Variants in POC1B observed in about 807,000 individuals in gnomAD.
The protein encoded by POC1B is POC1 centriolar protein homolog B.
Under a neutral mutation model 60.6 loss-of-function variants are expected in POC1B, and 44 were observed. That is an observed-to-expected ratio of 0.73 (90% CI 0.57 to 0.93). The LOEUF is 0.93. POC1B is among the 40% of genes least tolerant of loss of function. The probability of loss-of-function intolerance (pLI) is 0.00; values close to 1 mark genes in which losing one functional copy is unlikely to be tolerated. For missense variants in POC1B, 555 were observed against 572.3 expected (o/e 0.97, Z 0.31); for synonymous variants, 180 against 198.9 (o/e 0.90, Z 0.80).
the POC1B span, among the ~76,000 whole-genome samples, chr12:89,403,930 C>T: frequency 4.6e-5 from 7 of 152,180 alleles, no homozygotes; most frequent in Admixed American, 3.3e-4. Context: ...GTCTGCAGTT[C>T]GAGACCTGCC....
chr12:89,403,852 G>C, the POC1B span, among the ~76,000 whole-genome samples: 2 of 152,206 alleles, frequency 1.3e-5, no homozygotes, highest in South Asian at 2.1e-4. Context: ...AAAAATGTTG[G>C]CCGGGCGCAG....
chr12:89,458,534 TGA>T (rs1592600548), intron 10 of POC1B, among the ~76,000 whole-genome samples: 1 of 152,160 alleles, frequency 6.6e-6, no homozygotes, highest in African/African-American at 2.4e-5. Context: ...AAACTCCTAA[TGA>T]GAGATCTAGG....
At chr12:89,423,999 C>G (rs1000351881) in intron 11 of POC1B, among the ~76,000 whole-genome samples, 1 of 152,126 alleles carries the variant, frequency 6.6e-6, no homozygotes, top group Non-Finnish European at 1.5e-5. Flanking sequence ...GGGCAATGGC[C>G]TTTAAGGAAA....
At chr12:89,468,799 T>TG (rs1481860523) in intron 7 of POC1B, among the ~76,000 whole-genome samples, 1 of 152,110 alleles carries the variant, frequency 6.6e-6, no homozygotes, top group African/African-American at 2.4e-5. Flanking sequence ...AGGCAGAACC[T>TG]GTGAAAAAGA....
chr12:89,463,258 T>C (rs1224426421), intron 9 of POC1B, among the ~76,000 whole-genome samples: 1 of 152,208 alleles, frequency 6.6e-6, no homozygotes, highest in Non-Finnish European at 1.5e-5. Context: ...ATTAAAAAAA[T>C]CTTTTTAACC....
rs1167476204 is a variant in POC1B, at chr12:89,476,759, T to TAGACAGACAGACAGAC, written c.453-4500_453-4485dup. On this transcript the variant is annotated intron_variant, in intron 4 of 11. Coordinates refer to ENST00000313546, the MANE Select transcript of POC1B (RefSeq NM_172240.3). The stretch of plus-strand genomic sequence containing the variant: ...ATAGATAGATAGATAGATAGATAGA[T>TAGACAGACAGACAGAC]AGACAGACAGACAGACAGACACTTT... Among the ~76,000 whole-genome samples, 18 of 58,624 alleles carry TAGACAGACAGACAGAC rather than the reference T, an allele frequency of 3.1e-4. No homozygotes were observed. In the East Asian group the frequency reaches 4.3e-3, roughly 14 times the overall value. 38.5% of individuals were successfully genotyped at this position (58,624 alleles called of 152,430 possible).
downstream of POC1B, among the ~76,000 whole-genome samples, chr12:89,415,334 A>C (rs1880345529): frequency 2.0e-5 from 3 of 152,334 alleles, no homozygotes; most frequent in South Asian, 6.2e-4. Flanking sequence ...AGTCCAGAGA[A>C]ACAAAATGAT....
chr12:89,510,763 CTT>C (rs56654469), intron 2 of POC1B, among the ~76,000 whole-genome samples: 1 of 139,074 alleles, frequency 7.2e-6, no homozygotes, highest in Admixed American at 7.2e-5. Flanking sequence ...TGTTTTTATT[CTT>C]TTTTTTTTTT....
the POC1B span, among the ~76,000 whole-genome samples, chr12:89,405,329 T>C: frequency 2.0e-5 from 3 of 152,086 alleles, no homozygotes; most frequent in Non-Finnish European, 4.4e-5. Context: ...GTTACTCAGG[T>C]AGTAGTGGGA....
intron 10 of POC1B, among the ~76,000 whole-genome samples, chr12:89,456,738 G>A (rs1882277457): frequency 6.6e-6 from 1 of 151,876 alleles, no homozygotes; most frequent in Non-Finnish European, 1.5e-5. Flanking sequence ...CTTGGCATTA[G>A]AGACACAAGT....
At chr12:89,522,184 T>C (rs914530277) in intron 2 of POC1B, 2 of 398,666 alleles carry the variant, frequency 5.0e-6, no homozygotes, top group African/African-American at 4.1e-5. Flanking sequence ...CCCCATTTCA[T>C]TTAAATATGG....
intron 10 of POC1B, among the ~76,000 whole-genome samples, chr12:89,440,218 T>C (rs1172668118): frequency 6.6e-5 from 10 of 152,344 alleles, no homozygotes; most frequent in Non-Finnish European, 5.9e-5. Context: ...AGCTCATCTT[T>C]GGTTAGCACA....
chr12:89,470,516 C>A (rs1592608702), intron 6 of POC1B, 22 bp from the exon 7 acceptor site: 4 of 1,553,928 alleles, frequency 2.6e-6, no homozygotes, highest in Non-Finnish European at 2.6e-6. Context: ...AAAATAAAAG[C>A]AAAAAGTTCA....
chr12:89,424,689 T>C (rs1286862141), intron 11 of POC1B, among the ~76,000 whole-genome samples: 1 of 152,214 alleles, frequency 6.6e-6, no homozygotes, highest in East Asian at 1.9e-4. Context: ...AGATGCATTG[T>C]ATTTTTCTTT....
chr12:89,471,421 G>A (rs1390163991), intron 6 of POC1B, among the ~76,000 whole-genome samples, 193 bp downstream of exon 6: 1 of 151,712 alleles, frequency 6.6e-6, no homozygotes, highest in Non-Finnish European at 1.5e-5. Context: ...CATTTTTAAG[G>A]TCTCTTCACT....
chr12:89,526,034 A>G lies in POC1B; in HGVS notation c.-139T>C. The G allele has an allele frequency of 6.5e-7, 1 of 1,531,748 alleles. No homozygotes were observed. Among genetic ancestry groups the G allele is most frequent in the Non-Finnish European group, 8.7e-7 (1 of 1,143,468 alleles). 94.9% of individuals were successfully genotyped at this position (1,531,748 alleles called of 1,614,324 possible). A position where few individuals can be genotyped will look rare whatever the true frequency, so the allele number is the denominator to read the frequency against. On this transcript the variant is annotated 5_prime_UTR_variant, in exon 1 of 12. Transcript: ENST00000313546. The stretch of plus-strand genomic sequence containing the variant: ...GCAGCGCCTCCCGGTCACTACAACA[A>G]CGGCGGCCCAGTCAAACCCCGCGCT...
chr12:89,525,294 GC>G (rs932872385), intron 1 of POC1B, 90 bp from the exon 2 acceptor site: 155 of 1,493,232 alleles, frequency 1.0e-4, no homozygotes, highest in Admixed American at 4.8e-4. Flanking sequence ...CCGGAGTCCG[GC>G]TTGGGAATGG....
intron 2 of POC1B, among the ~76,000 whole-genome samples, chr12:89,514,408 T>TTTTTTTC: frequency 7.6e-6 from 1 of 131,698 alleles, no homozygotes. Context: ...ATTTCTTTTT[T>TTTTTTTC]TTTTTTTTTT....
chr12:89,410,259 T>C, the POC1B span, among the ~76,000 whole-genome samples: 5 of 152,340 alleles, frequency 3.3e-5, no homozygotes, highest in East Asian at 9.6e-4. Flanking sequence ...TCAACATCCC[T>C]TCATGCTAAA....
Sources: gnomAD v4.1 joint callset for allele counts (sites outside exome capture counted in the v4.1 genomes callset) on GRCh38, gnomAD v4.1.1 for gene constraint, MANE v1.5 for transcripts, NCBI Gene and HGNC (gene_info 2026-07-23, HGNC 2026-07-21) for gene names.